Variants in RAP1A observed in about 807,000 individuals in gnomAD.
RAP1A encodes ras-related protein Rap-1A.
Under a neutral mutation model 26.4 loss-of-function variants are expected in RAP1A, and 6 were observed. The observed-to-expected ratio is 0.23, with a 90% CI of 0.12 to 0.45. The LOEUF (loss-of-function observed/expected upper bound fraction) is 0.45. Among genes scored for constraint, RAP1A ranks in the 20% least tolerant of loss-of-function variants. RAP1A has a pLI of 0.99. For synonymous variants in RAP1A, 73 were observed against 79.4 expected (o/e 0.92, Z 0.43); for missense variants, 121 against 217.2 (o/e 0.56, Z 2.78).
chr1:111,664,392 A>AC (rs1371653460), intron 1 of RAP1A, among the ~76,000 whole-genome samples: 1 of 140,684 alleles, frequency 7.1e-6, no homozygotes, highest in Non-Finnish European at 1.6e-5. Flanking sequence ...AAAAAAAAAA[A>AC]AAAAAACAAA....
intron 1 of RAP1A, chr1:111,602,177 G>A (rs1353979716): frequency 2.0e-5 from 3 of 152,214 alleles, no homozygotes; most frequent in Admixed American, 6.5e-5. Flanking sequence ...TGTTGGGTAA[G>A]AAGACAGTAC....
chr1:111,639,731 C>T (rs1659839309), intron 1 of RAP1A, among the ~76,000 whole-genome samples: 1 of 152,086 alleles, frequency 6.6e-6, no homozygotes, highest in African/African-American at 2.4e-5. Context: ...GTAGTCAGTA[C>T]CCAGGCATTT....
chr1:111,585,174 A>G (rs1226521801), intron 1 of RAP1A, among the ~76,000 whole-genome samples: 1 of 152,244 alleles, frequency 6.6e-6, no homozygotes, highest in East Asian at 1.9e-4. Context: ...GGACACCTGC[A>G]TTCCTCAACT....
intron 1 of RAP1A, chr1:111,604,394 A>T (rs1658730614): frequency 6.6e-6 from 1 of 152,194 alleles, no homozygotes; most frequent in African/African-American, 2.4e-5. Context: ...CCTCACTGCC[A>T]TGCTTTGATC....
chr1:111,571,619 T>A (rs1034186663), intron 1 of RAP1A, among the ~76,000 whole-genome samples: 1 of 152,230 alleles, frequency 6.6e-6, no homozygotes, highest in Admixed American at 6.5e-5. Flanking sequence ...TGTACCACAA[T>A]TGCACACAGA....
At chr1:111,639,727 A>G (rs1659839006) in intron 1 of RAP1A, among the ~76,000 whole-genome samples, 1 of 152,228 alleles carries the variant, frequency 6.6e-6, no homozygotes, top group South Asian at 2.1e-4. Flanking sequence ...AATGGTAGTC[A>G]GTACCCAGGC....
At chr1:111,660,465 A>C (rs1660596503) in intron 1 of RAP1A, among the ~76,000 whole-genome samples, 1 of 151,896 alleles carries the variant, frequency 6.6e-6, no homozygotes, top group South Asian at 2.1e-4. Flanking sequence ...ATTTTTTAGC[A>C]GTCTTTTTTT....
At chr1:111,655,266 C>CA (rs5777071) in intron 1 of RAP1A, among the ~76,000 whole-genome samples, 11,915 of 142,006 alleles carry the variant, frequency 0.084, 643 homozygotes, top group African/African-American at 0.17. Context: ...TGCAATAAAA[C>CA]AAAAAAAAAA....
intron 1 of RAP1A, among the ~76,000 whole-genome samples, chr1:111,621,919 T>TA (rs1659219055): frequency 1.3e-5 from 2 of 152,218 alleles, no homozygotes; most frequent in South Asian, 4.1e-4. Context: ...ACACTTAATA[T>TA]ACCCCAGAAG....
intron 1 of RAP1A, among the ~76,000 whole-genome samples, chr1:111,563,153 T>C (rs1657810380): frequency 6.6e-6 from 1 of 152,170 alleles, no homozygotes; most frequent in Admixed American, 6.6e-5. Context: ...CATGTGCCTG[T>C]AGTTCCAGCT....
intron 1 of RAP1A, among the ~76,000 whole-genome samples, chr1:111,596,723 G>T (rs1369622714): frequency 1.3e-5 from 2 of 152,204 alleles, no homozygotes; most frequent in Non-Finnish European, 2.9e-5. Context: ...GTTCATAGAT[G>T]GCAGTCTTCT....
At chr1:111,618,085 A>T (rs1659052789), upstream of RAP1A, among the ~76,000 whole-genome samples, 1 of 151,754 alleles carries the variant, frequency 6.6e-6, no homozygotes, top group Non-Finnish European at 1.5e-5. Context: ...GAGAAAAAGC[A>T]TTTCTCATCT....
chr1:111,688,830 T>TTTTTTTTTTTTTTTTTTTTTTTTTG (rs1661580863), intron 1 of RAP1A, among the ~76,000 whole-genome samples: 1 of 99,190 alleles, frequency 1.0e-5, no homozygotes, highest in African/African-American at 3.8e-5. Flanking sequence ...TTGTTTTTTT[T>TTTTTTTTTTTTTTTTTTTTTTTTTG]TTTGTTTTTT....
intron 1 of RAP1A, among the ~76,000 whole-genome samples, chr1:111,629,439 G>T (rs1001626171): frequency 2.0e-5 from 3 of 152,096 alleles, no homozygotes; most frequent in African/African-American, 7.2e-5. Context: ...AAACTCACAT[G>T]AACTGTGAAT....
chr1:111,556,543 T>C (rs1326728138), intron 1 of RAP1A, among the ~76,000 whole-genome samples: 1 of 152,178 alleles, frequency 6.6e-6, no homozygotes, highest in Non-Finnish European at 1.5e-5. Context: ...ATGTAGCATT[T>C]ACATACAATA....
At chr1:111,640,845 TC>T (rs1235289689) in intron 1 of RAP1A, among the ~76,000 whole-genome samples, 1 of 152,008 alleles carries the variant, frequency 6.6e-6, no homozygotes, top group Non-Finnish European at 1.5e-5. Context: ...ATACCTATAA[TC>T]CCAGATACTC....
At chr1:111,605,215 T>C (rs888848982) in intron 1 of RAP1A, among the ~76,000 whole-genome samples, 1 of 152,164 alleles carries the variant, frequency 6.6e-6, no homozygotes, top group Non-Finnish European at 1.5e-5. Flanking sequence ...TTTGGCAGGA[T>C]AAAATTTCCC....
At chr1:111,706,758 G>C (rs1047418915) in intron 6 of RAP1A, 1 of 981,752 alleles carries the variant, frequency 1.0e-6, no homozygotes, top group Non-Finnish European at 1.2e-6. Flanking sequence ...CCTCATCACT[G>C]AACCATCTGC....
At chr1:111,684,543 G>C (rs1557891226) in intron 1 of RAP1A, among the ~76,000 whole-genome samples, 1 of 152,114 alleles carries the variant, frequency 6.6e-6, no homozygotes, top group Non-Finnish European at 1.5e-5. Context: ...TTGCTACCAA[G>C]AGAATAAAAT....
Sources: gnomAD v4.1 joint callset for allele counts (sites outside exome capture counted in the v4.1 genomes callset) on GRCh38, gnomAD v4.1.1 for gene constraint, MANE v1.5 for transcripts, NCBI Gene and HGNC (gene_info 2026-07-23, HGNC 2026-07-21) for gene names.